The following COP1 variants were observed in gnomAD, a reference collection of about 807,000 sequenced individuals.
COP1 encodes E3 ubiquitin-protein ligase COP1.
COP1 carries 24 observed loss-of-function variants against 101.3 expected under a neutral mutation model. That is an observed-to-expected ratio of 0.24 (90% CI 0.17 to 0.33). The LOEUF (loss-of-function observed/expected upper bound fraction) is 0.33, where lower values mean the gene tolerates loss of function less well. Among genes scored for constraint, COP1 ranks in the 10% least tolerant of loss-of-function variants. The pLI is 1.00. For synonymous variants in COP1, 347 were observed against 341.9 expected, an observed-to-expected ratio of 1.01 and a Z score of -0.17; for missense variants, 663 against 906.2, an observed-to-expected ratio of 0.73 and a Z score of 3.45.
At position 176,065,545 on chromosome 1, in the gene COP1, C is replaced by T. The variant is rs144123177; in HGVS notation, c.1277+15607G>A. On this transcript the variant is annotated intron_variant, in intron 11 of 19. Coordinates refer to ENST00000367669, the MANE Select transcript of COP1 (RefSeq NM_022457.7). ...CAAAACTTGCCACCCCAAAATATGT[C>T]ACTCTGCCATAAAAATTCTTTTGAG... Among the ~76,000 whole-genome samples, 399 of 152,222 alleles carry T rather than the reference C, an allele frequency of 2.6e-3. 3 individuals are homozygous for T. Among genetic ancestry groups the T allele is most frequent in the African/African-American group, 9.2e-3 (381 of 41,546 alleles).
rs531732252 is a variant in COP1 at position 176,137,693 on chromosome 1, T to G, written c.832-1146A>C. 1.6e-4 allele frequency among the ~76,000 whole-genome samples: 25 copies of G among 152,314 alleles called. No individual in the cohort carries two copies. In the South Asian group the frequency reaches 5.2e-3, roughly 32 times the overall value. On this transcript the variant is annotated intron_variant, in intron 6 of 19. Transcript: ENST00000367669. ...ATTCATGCTTTTAACTACTATTCTT[T>G]ACTACCTATTGAAAACAGTACCTTA... is the stretch of plus-strand genomic sequence containing the variant.
At chr1:176,173,200 A>T (rs764835506) in intron 3 of COP1, among the ~76,000 whole-genome samples, 5 of 152,018 alleles carry the variant, frequency 3.3e-5, no homozygotes, top group Admixed American at 6.6e-5. Flanking sequence ...AATCCCAGCT[A>T]CTAGGGAGGC....
chr1:176,099,164 G>A (rs1051944200), intron 9 of COP1, among the ~76,000 whole-genome samples: 3 of 152,070 alleles, frequency 2.0e-5, no homozygotes, highest in African/African-American at 7.2e-5. Flanking sequence ...TTGCTGTCTT[G>A]TTTTGATCCT....
At chr1:175,985,797 T>C (rs1340817974) in intron 18 of COP1, among the ~76,000 whole-genome samples, 1 of 152,130 alleles carries the variant, frequency 6.6e-6, no homozygotes, top group Non-Finnish European at 1.5e-5. Context: ...TTGGTCCAAA[T>C]TACCTAGTCT....
rs148306527 is a variant in COP1 at position 175,961,226 on chromosome 1, G to C, written c.2134-13987C>G. On this transcript the variant is annotated intron_variant, in intron 18 of 19. Coordinates refer to ENST00000367669, the MANE Select transcript of COP1 (RefSeq NM_022457.7). The stretch of plus-strand genomic sequence containing the variant: ...AGCTAATACCCCAAATAAAAACCCT[G>C]TCATAGATCTAACTATACATGTCCT... Among the ~76,000 whole-genome samples the C allele has an allele frequency of 2.6e-3, 400 of 152,238 alleles. 3 individuals are homozygous for C. Among genetic ancestry groups the C allele is most frequent in the African/African-American group, 9.2e-3 (382 of 41,540 alleles).
At chr1:175,965,193 CTG>C (rs1296470931) in intron 18 of COP1, among the ~76,000 whole-genome samples, 1 of 152,092 alleles carries the variant, frequency 6.6e-6, no homozygotes, top group African/African-American at 2.4e-5. Context: ...GTCATGGACT[CTG>C]TGTATAGTCA....
At position 176,135,038 on chromosome 1, in the gene COP1, G is replaced by C. The variant is rs898617064; in HGVS notation, c.940C>G (p.Gln314Glu). ...SPVSEDSTVPQFEAPSPSHSS... is the reference protein window; with the variant it reads ...SPVSEDSTVPEFEAPSPSHSS... ...TGTGATGGAGAAGGAGCTTCAAATT[G>C]AGGCACTGTGCTATCCTCACTGACA... The change falls in exon 8 of 20, where the codon CAA becomes GAA. Residue 314 changes from glutamine to glutamate, a missense_variant. Physicochemically the swap from Gln to Glu is conservative, Grantham distance 29. Around this residue, in one of 4 missense-constraint regions of COP1, gnomAD observed 212 missense variants for 240.7 expected, o/e 0.88. Coordinates refer to ENST00000367669, the MANE Select transcript of COP1 (RefSeq NM_022457.7). 6.2e-7 allele frequency: 1 copy of C among 1,611,214 alleles called. No homozygotes were observed. Among genetic ancestry groups the C allele is most frequent in the African/African-American group, 1.3e-5 (1 of 74,806 alleles).
chr1:176,058,386 A>G (rs1482430900), intron 11 of COP1, among the ~76,000 whole-genome samples: 2 of 152,210 alleles, frequency 1.3e-5, no homozygotes, highest in Middle Eastern at 3.2e-3. Flanking sequence ...TGTAGAAAGA[A>G]GTAGACATGG....
chr1:176,061,342 C>A (rs1674800726), intron 11 of COP1, among the ~76,000 whole-genome samples: 1 of 152,140 alleles, frequency 6.6e-6, no homozygotes, highest in Non-Finnish European at 1.5e-5. Context: ...AAAAACTGAA[C>A]CTCGGCTAGG....
chr1:175,977,146 A>C (rs911555667), intron 18 of COP1, among the ~76,000 whole-genome samples: 1 of 152,160 alleles, frequency 6.6e-6, no homozygotes, highest in Non-Finnish European at 1.5e-5. Flanking sequence ...CTATTCCCTA[A>C]AGCTTTCTAC....
At chr1:176,064,766 G>C (rs552286223) in intron 11 of COP1, among the ~76,000 whole-genome samples, 16 of 152,006 alleles carry the variant, frequency 1.1e-4, no homozygotes, top group African/African-American at 3.9e-4. Flanking sequence ...CGATGCCCCT[G>C]CCTCAGCCTC....
intron 14 of COP1, among the ~76,000 whole-genome samples, chr1:176,037,965 G>C (rs2149138552): frequency 6.6e-6 from 1 of 152,258 alleles, no homozygotes; most frequent in Middle Eastern, 3.4e-3. Flanking sequence ...GAACGGGAAA[G>C]AAAGGCATAC....
At position 176,159,905 on chromosome 1, in the gene COP1, C is replaced by T. The variant is rs151020387; in HGVS notation, c.762+2964G>A. Among the ~76,000 whole-genome samples, 417 of 152,208 alleles carry T rather than the reference C, an allele frequency of 2.7e-3. 3 individuals carry two copies. Among genetic ancestry groups the T allele is most frequent in the African/African-American group, 9.3e-3 (388 of 41,542 alleles). ...CTTCTTAAGTCAGATCTAAGACATA[C>T]GCCAAAATCTTCACATTTATTAAAA... On this transcript the variant is annotated intron_variant, in intron 5 of 19. Transcript: ENST00000367669.
intron 15 of COP1, among the ~76,000 whole-genome samples, chr1:176,002,405 G>C (rs575270392): frequency 7.9e-5 from 12 of 151,786 alleles, no homozygotes; most frequent in Middle Eastern, 3.4e-3. Context: ...TGCACATAGT[G>C]CAGGTTAGTT....
chr1:176,177,377 T>A (rs1433670020), intron 2 of COP1, among the ~76,000 whole-genome samples: 33 of 144,430 alleles, frequency 2.3e-4, no homozygotes, highest in African/African-American at 7.4e-4. Context: ...AAGAAAAAAA[T>A]GTTATTATAC....
intron 1 of COP1, among the ~76,000 whole-genome samples, chr1:176,190,046 G>T (rs1395862431): frequency 2.6e-5 from 4 of 151,962 alleles, no homozygotes; most frequent in Non-Finnish European, 5.9e-5. Context: ...GTTATTATAG[G>T]CATCTGACTT....
At chr1:175,976,122 T>C (rs910110243) in intron 18 of COP1, among the ~76,000 whole-genome samples, 4 of 152,062 alleles carry the variant, frequency 2.6e-5, no homozygotes, top group African/African-American at 9.7e-5. Flanking sequence ...AATAAGAATA[T>C]TGGTAATAAA....
At chr1:176,004,984 G>C (rs1662741546) in intron 15 of COP1, among the ~76,000 whole-genome samples, 1 of 151,782 alleles carries the variant, frequency 6.6e-6, no homozygotes, top group African/African-American at 2.4e-5. Context: ...TCTGGTCCTG[G>C]ACTCTTTTTG....
chr1:176,099,597 A>G (rs1683030325), intron 9 of COP1, among the ~76,000 whole-genome samples: 1 of 152,030 alleles, frequency 6.6e-6, no homozygotes, highest in Non-Finnish European at 1.5e-5. Context: ...TTATGGCAAT[A>G]TAGTTGTTTA....
Sources: gnomAD v4.1 joint callset for allele counts (sites outside exome capture counted in the v4.1 genomes callset) on GRCh38, gnomAD v4.1.1 for gene constraint, gnomAD v4.1.1 regional missense constraint, MANE v1.5 for transcripts, NCBI Gene and HGNC (gene_info 2026-07-23, HGNC 2026-07-21) for gene names.